The following MRPL1 variants were observed in gnomAD, a reference collection of about 807,000 sequenced individuals.
The protein encoded by MRPL1 is mitochondrial ribosomal protein L1, also known as large ribosomal subunit protein uL1m.
MRPL1 carries 28 observed loss-of-function variants against 38.0 expected under a neutral mutation model. The observed-to-expected ratio is 0.74, with a 90% CI of 0.55 to 1.01. MRPL1 has a LOEUF of 1.01. MRPL1 is among the 50% of genes least tolerant of loss of function. The probability of loss-of-function intolerance (pLI) is 0.00; values close to 1 mark genes in which losing one functional copy is unlikely to be tolerated. For synonymous variants in MRPL1, 123 were observed against 126.7 expected, an observed-to-expected ratio of 0.97 and a Z score of 0.20; for missense variants, 358 against 389.8, an observed-to-expected ratio of 0.92 and a Z score of 0.69.
intron 7 of MRPL1, among the ~76,000 whole-genome samples, chr4:77,923,182 G>C (rs1467988872): frequency 6.6e-6 from 1 of 151,964 alleles, no homozygotes; most frequent in Non-Finnish European, 1.5e-5. Flanking sequence ...TGCAACCTCT[G>C]CCTCCTGAGT....
chr4:77,924,000 CA>C (rs33925926), intron 7 of MRPL1, among the ~76,000 whole-genome samples: 104,129 of 142,752 alleles, frequency 0.73, 37,375 homozygotes, highest in African/African-American at 0.8. Context: ...GACTCTGTCT[CA>C]AAAAAAAAAA....
intron 7 of MRPL1, among the ~76,000 whole-genome samples, chr4:77,925,241 AT>A (rs1264506979): frequency 6.6e-6 from 1 of 152,130 alleles, no homozygotes; most frequent in Non-Finnish European, 1.5e-5. Flanking sequence ...ATAATGAAAT[AT>A]ATATGTTTAA....
chr4:77,892,359 C>G (rs566163870), intron 5 of MRPL1, among the ~76,000 whole-genome samples: 1 of 152,260 alleles, frequency 6.6e-6, no homozygotes, highest in Non-Finnish European at 1.5e-5. Context: ...TCTTGAACTC[C>G]TGACCTCAGG....
chr4:77,895,550 AGTGTAAACAGAACAAATATTTTAAAATT>A (rs1335135011), intron 6 of MRPL1, among the ~76,000 whole-genome samples: 5 of 152,130 alleles, frequency 3.3e-5, no homozygotes, highest in African/African-American at 1.2e-4. Flanking sequence ...AAAATTTTGT[AGTGTAAACAGAACAAATATTTTAAAATT>A]GTGTTAGTAG....
intron 7 of MRPL1, among the ~76,000 whole-genome samples, chr4:77,943,641 A>C (rs1210649207): frequency 1.3e-5 from 2 of 151,784 alleles, no homozygotes; most frequent in African/African-American, 4.8e-5. Flanking sequence ...GAAATTCTTT[A>C]TTCTGCTTGT....
intron 7 of MRPL1, among the ~76,000 whole-genome samples, chr4:77,929,780 A>G (rs76184598): frequency 2.6e-5 from 4 of 151,854 alleles, no homozygotes; most frequent in African/African-American, 7.3e-5. Context: ...AAAAAAAAAA[A>G]TAGAAGAATA....
At chr4:77,922,185 T>G (rs1024280489) in intron 7 of MRPL1, among the ~76,000 whole-genome samples, 6 of 151,912 alleles carry the variant, frequency 3.9e-5, no homozygotes, top group African/African-American at 1.5e-4. Flanking sequence ...AGTAGTAGAG[T>G]TAGGATATTG....
chr4:77,886,074 G>A (rs1735669212), intron 4 of MRPL1, among the ~76,000 whole-genome samples: 1 of 152,082 alleles, frequency 6.6e-6, no homozygotes, highest in Non-Finnish European at 1.5e-5. Context: ...CTAAATAAAT[G>A]TTTGTTTATA....
chr4:77,866,741 T>C (rs1041573148), intron 1 of MRPL1, among the ~76,000 whole-genome samples: 1 of 151,216 alleles, frequency 6.6e-6, no homozygotes, highest in Non-Finnish European at 1.5e-5. Flanking sequence ...TGCTGAAATA[T>C]CACCCCCCTT....
intron 7 of MRPL1, among the ~76,000 whole-genome samples, chr4:77,933,131 A>AG (rs1156984974): frequency 6.6e-6 from 1 of 151,996 alleles, no homozygotes; most frequent in Non-Finnish European, 1.5e-5. Context: ...TTCTTTTTAG[A>AG]GATGGAGTCT....
chr4:77,934,553 A>C (rs965152070), intron 7 of MRPL1, among the ~76,000 whole-genome samples: 3 of 152,204 alleles, frequency 2.0e-5, no homozygotes, highest in Admixed American at 1.3e-4. Flanking sequence ...GTTGACGAGG[A>C]TATAGGGAAA....
chr4:77,937,420 GC>G (rs1295477363), intron 7 of MRPL1, among the ~76,000 whole-genome samples: 1 of 152,156 alleles, frequency 6.6e-6, no homozygotes, highest in East Asian at 1.9e-4. Context: ...TAAGTACCTG[GC>G]CCCCAGTGCC....
intron 7 of MRPL1, among the ~76,000 whole-genome samples, chr4:77,938,780 C>T (rs893222912): frequency 6.6e-6 from 1 of 152,162 alleles, no homozygotes; most frequent in African/African-American, 2.4e-5. Context: ...CTGTATCACA[C>T]ACATGGTATA....
chr4:77,944,237 G>A (rs1737201933), intron 7 of MRPL1, among the ~76,000 whole-genome samples: 1 of 152,186 alleles, frequency 6.6e-6, no homozygotes, highest in Admixed American at 6.5e-5. Context: ...GATGTGAACT[G>A]TCTTCAGGTC....
In MRPL1 at chr4:77,911,732, G is replaced by A. The variant is rs1318725429; in HGVS notation, c.777+2360G>A. Among the ~76,000 whole-genome samples the A allele has an allele frequency of 2.0e-5, 3 of 152,070 alleles. No homozygotes were observed. In the East Asian group the frequency reaches 5.8e-4, roughly 29 times the overall value. ...ACTTCTGGATAAGGGGGAGTAACAG[G>A]GACCTAATTTATCCTCCTACCTAAA... On this transcript the variant is annotated intron_variant, in intron 7 of 8. Transcript: ENST00000315567.
intron 5 of MRPL1, among the ~76,000 whole-genome samples, chr4:77,892,333 G>T (rs1012565500): frequency 6.6e-6 from 1 of 151,802 alleles, no homozygotes; most frequent in African/African-American, 2.4e-5. Context: ...GGGTTTCACC[G>T]TGTTGGCCAG....
At chr4:77,920,424 A>G (rs1578054858) in intron 7 of MRPL1, among the ~76,000 whole-genome samples, 3 of 152,224 alleles carry the variant, frequency 2.0e-5, no homozygotes, top group Non-Finnish European at 4.4e-5. Context: ...AAGAAAATCT[A>G]AAGAGAAATT....
chr4:77,921,641 A>G (rs968221467), intron 7 of MRPL1, among the ~76,000 whole-genome samples: 2 of 152,246 alleles, frequency 1.3e-5, no homozygotes, highest in African/African-American at 4.8e-5. Flanking sequence ...AGTATTAAAT[A>G]CACAAAGGAA....
chr4:77,900,610 T>C (rs1416465164), intron 6 of MRPL1, among the ~76,000 whole-genome samples: 1 of 152,254 alleles, frequency 6.6e-6, no homozygotes, highest in East Asian at 1.9e-4. Flanking sequence ...TATCATTTGG[T>C]ATATAAAATG....
Sources: gnomAD v4.1 joint callset for allele counts (sites outside exome capture counted in the v4.1 genomes callset) on GRCh38, gnomAD v4.1.1 for gene constraint, MANE v1.5 for transcripts, NCBI Gene and HGNC (gene_info 2026-07-23, HGNC 2026-07-21) for gene names.